The following XRN1 variants were observed in gnomAD, a reference collection of about 807,000 sequenced individuals.
XRN1 encodes the protein 5'-3' exoribonuclease 1, also known as strand-exchange protein 1 homolog.
In XRN1, 67 loss-of-function variants were observed where a neutral mutation model predicts 222.3. The ratio of observed to expected loss-of-function variants is 0.30; its 90% CI spans 0.25 to 0.37. The LOEUF (loss-of-function observed/expected upper bound fraction) is 0.37. XRN1 is among the 10% of genes least tolerant of loss of function. The probability of loss-of-function intolerance (pLI) is 1.00; values close to 1 mark genes in which losing one functional copy is unlikely to be tolerated. For missense variants in XRN1, 1,707 were observed against 2,000.2 expected, an observed-to-expected ratio of 0.85 and a Z score of 2.80; for synonymous variants, 643 against 652.4, an observed-to-expected ratio of 0.99 and a Z score of 0.22.
intron 8 of XRN1, among the ~76,000 whole-genome samples, chr3:142,421,965 T>C (rs954810949): frequency 3.9e-5 from 6 of 152,150 alleles, no homozygotes; most frequent in Non-Finnish European, 7.4e-5. Flanking sequence ...CTGTGATGCA[T>C]ATCCATTCGA....
chr3:142,372,673 C>T lies in XRN1; in HGVS notation c.2979-1345G>A, dbSNP rs563360639. 4.6e-5 allele frequency among the ~76,000 whole-genome samples: 7 copies of T among 152,300 alleles called. No individual in the cohort carries two copies. In the South Asian group the frequency reaches 8.3e-4, roughly 18 times the overall value. ...AAGAGGGCTCACAGCTGAGGGCTGC[C>T]GGAAAGCAGCATTCCTGCTGCAAGG... On this transcript the variant is annotated intron_variant, in intron 25 of 40. Coordinates refer to ENST00000392981, the MANE Select transcript of XRN1 (RefSeq NM_001282857.2).
At chr3:142,343,282 T>C (rs920572020) in intron 33 of XRN1, among the ~76,000 whole-genome samples, 9 of 151,792 alleles carry the variant, frequency 5.9e-5, no homozygotes, top group Non-Finnish European at 8.8e-5. Context: ...GGTGAAACCC[T>C]GTCTCTACTA....
chr3:142,406,178 T>C (rs1367285726), intron 15 of XRN1, among the ~76,000 whole-genome samples: 3 of 152,026 alleles, frequency 2.0e-5, no homozygotes, highest in South Asian at 2.1e-4. Context: ...TGGAACAAAA[T>C]AGAAAGCCCA....
intron 33 of XRN1, among the ~76,000 whole-genome samples, chr3:142,340,816 T>C (rs1396450648): frequency 6.6e-6 from 1 of 152,174 alleles, no homozygotes; most frequent in African/African-American, 2.4e-5. Flanking sequence ...TATAATAGTA[T>C]ATCTGACAAA....
chr3:142,375,488 C>T (rs1161325710), intron 25 of XRN1, among the ~76,000 whole-genome samples: 1 of 152,098 alleles, frequency 6.6e-6, no homozygotes, highest in Non-Finnish European at 1.5e-5. Context: ...TTTGTTTATC[C>T]ATATCAGTTC....
Position 142,365,362 on chromosome 3 carries a change from C to A in XRN1, c.3209G>T (p.Arg1070Ile), listed in dbSNP as rs1202551567. 1 of 1,561,208 alleles carries A rather than the reference C, an allele frequency of 6.4e-7. No individual in the cohort carries two copies. The change falls in exon 28 of 41, where the codon AGA (arginine) becomes ATA (isoleucine). Residue 1070 changes from arginine (R) to isoleucine (I), a missense_variant. This residue lies in a region of XRN1 where 1,234 missense variants were observed against 1,518.2 expected (regional missense o/e 0.81). Transcript: ENST00000392981. ...TACTCGCACCTTCTTATTATTCTTT[C>A]TTTGCTGAGGAAAAAGAAAAATTGT... is the stretch of plus-strand genomic sequence containing the variant. ...IEEEVEKCKQ[R>I]KNNKKVRVTV...
intron 25 of XRN1, among the ~76,000 whole-genome samples, chr3:142,374,478 T>C (rs796382165): frequency 1.1e-4 from 17 of 152,318 alleles, no homozygotes; most frequent in African/African-American, 3.6e-4. Context: ...AAATAAAATG[T>C]AATCTTAATA....
At chr3:142,421,303 A>G in intron 9 of XRN1, 150 bp from the exon 10 acceptor site, 1 of 987,130 alleles carries the variant, frequency 1.0e-6, no homozygotes, top group South Asian at 2.2e-5. Flanking sequence ...GTGTTACTCT[A>G]AAAATACAAA....
At position 142,413,801 on chromosome 3, in the gene XRN1, A is replaced by C. The variant is rs367807092; in HGVS notation, c.1593+334T>G. The stretch of plus-strand genomic sequence containing the variant: ...GTAGACAGTAAAGGGAAGAGAAATG[A>C]ATCTATAAATGTTTAGATAAAGTAG... On this transcript the variant is annotated intron_variant, in intron 14 of 40. Coordinates refer to ENST00000392981, the MANE Select transcript of XRN1 (RefSeq NM_001282857.2). 5.9e-5 allele frequency among the ~76,000 whole-genome samples: 9 copies of C among 152,338 alleles called. No individual in the cohort carries two copies. The East Asian group carries it at 1.7e-3, about 29-fold the overall frequency.
intron 1 of XRN1, among the ~76,000 whole-genome samples, chr3:142,443,208 C>A (rs2070322034): frequency 6.6e-6 from 1 of 152,166 alleles, no homozygotes; most frequent in African/African-American, 2.4e-5. Context: ...CAAAGGCACC[C>A]CTCCCGAGGA....
chr3:142,433,890 T>C (rs1221835517), intron 1 of XRN1, among the ~76,000 whole-genome samples: 1 of 152,184 alleles, frequency 6.6e-6, no homozygotes, highest in Non-Finnish European at 1.5e-5. Flanking sequence ...CCTTTGAGTT[T>C]TGGGAGTGAA....
intron 33 of XRN1, among the ~76,000 whole-genome samples, chr3:142,344,548 A>G (rs1222043002): frequency 2.0e-5 from 3 of 152,200 alleles, no homozygotes; most frequent in Non-Finnish European, 2.9e-5. Context: ...GCCACAAAAA[A>G]TTAGGGCTAA....
intron 20 of XRN1, among the ~76,000 whole-genome samples, chr3:142,385,336 G>A (rs1423971051): frequency 2.0e-5 from 3 of 152,122 alleles, no homozygotes; most frequent in Admixed American, 1.3e-4. Context: ...TATGAACTTC[G>A]AAAGCATGCT....
chr3:142,362,105 AT>A (rs2066656488), intron 29 of XRN1, among the ~76,000 whole-genome samples: 2 of 150,300 alleles, frequency 1.3e-5, no homozygotes, highest in South Asian at 2.1e-4. Flanking sequence ...AGTAGCTGGG[AT>A]TACAGGTGCC....
At chr3:142,390,956 T>C (rs2067688851) in intron 20 of XRN1, among the ~76,000 whole-genome samples, 1 of 152,142 alleles carries the variant, frequency 6.6e-6, no homozygotes, top group Admixed American at 6.5e-5. Flanking sequence ...GACCGTTGGT[T>C]GGTAGAGCAG....
At chr3:142,442,826 T>C (rs1389803705) in intron 1 of XRN1, among the ~76,000 whole-genome samples, 4 of 152,142 alleles carry the variant, frequency 2.6e-5, no homozygotes, top group East Asian at 3.9e-4. Flanking sequence ...CTCCGCCTCC[T>C]GGGTTCACGC....
intron 20 of XRN1, among the ~76,000 whole-genome samples, chr3:142,388,919 T>G (rs1188877579): frequency 6.6e-6 from 1 of 152,240 alleles, no homozygotes; most frequent in Non-Finnish European, 1.5e-5. Context: ...TATAAGAAGC[T>G]ACTCTTGGCC....
rs2070604277 is a variant in XRN1, at chr3:142,447,974, G to A, written c.-30C>T. 3.1e-6 allele frequency: 5 copies of A among 1,610,192 alleles called. No individual in the cohort carries two copies. Among genetic ancestry groups the A allele is most frequent in the Admixed American group, 1.7e-5 (1 of 59,690 alleles). On this transcript the variant is annotated 5_prime_UTR_variant, in exon 1 of 41. Coordinates refer to ENST00000392981, the MANE Select transcript of XRN1 (RefSeq NM_001282857.2). The surrounding 1 kb of genome is among the most constrained non-coding windows in gnomAD (Gnocchi z 4.2). ...ATCGTCAACACTAATCCCAGTCAGG[G>A]CCAAACCGAAACCAAACGCCCCGCC...
chr3:142,406,160 T>G (rs1305284329), intron 15 of XRN1, among the ~76,000 whole-genome samples: 1 of 152,150 alleles, frequency 6.6e-6, no homozygotes, highest in Non-Finnish European at 1.5e-5. Flanking sequence ...ATAAGACATA[T>G]GGACCAATGG....
Sources: allele counts gnomAD v4.1 joint callset (sites outside exome capture counted in the v4.1 genomes callset), GRCh38; gene constraint gnomAD v4.1.1; regional missense constraint gnomAD v4.1.1; non-coding constraint Gnocchi (gnomAD v3.1); transcripts MANE v1.5; gene names NCBI Gene and HGNC (gene_info 2026-07-23, HGNC 2026-07-21).